ADAMTSL3: variants seen among roughly 807,000 people sequenced by gnomAD.
ADAMTSL3 encodes the protein ADAMTS like 3, also known as ADAMTS-like protein 3.
Under a neutral mutation model 201.7 loss-of-function variants are expected in ADAMTSL3, and 128 were observed. The observed-to-expected ratio is 0.63, with a 90% confidence interval of 0.55 to 0.73. The LOEUF (loss-of-function observed/expected upper bound fraction) is 0.73. Ranked by LOEUF, ADAMTSL3 falls within the 30% of genes least tolerant of loss-of-function variation. The pLI is 0.00. For missense variants in ADAMTSL3, 1,990 were observed against 2,119.6 expected (o/e 0.94, Z 1.20); for synonymous variants, 738 against 748.4 (o/e 0.99, Z 0.23).
At chr15:83,963,678 C>T (rs187200035) in intron 19 of ADAMTSL3, among the ~76,000 whole-genome samples, 12 of 152,370 alleles carry the variant, frequency 7.9e-5, no homozygotes, top group African/African-American at 2.2e-4. Context: ...ACTGTCTCCT[C>T]AAGTGGGTCC....
intron 6 of ADAMTSL3, among the ~76,000 whole-genome samples, chr15:83,833,692 A>G (rs2064204472): frequency 6.6e-6 from 1 of 152,228 alleles, no homozygotes; most frequent in Non-Finnish European, 1.5e-5. Context: ...TAATTCGGTA[A>G]AGAACAGTCA....
chr15:83,782,668 AC>A (rs1247962661), intron 4 of ADAMTSL3, among the ~76,000 whole-genome samples: 1 of 152,148 alleles, frequency 6.6e-6, no homozygotes, highest in African/African-American at 2.4e-5. Flanking sequence ...TGGAAGCTAA[AC>A]TATGAGAACA....
chr15:83,886,274 G>A (rs1032403970), intron 10 of ADAMTSL3, among the ~76,000 whole-genome samples: 13 of 152,200 alleles, frequency 8.5e-5, no homozygotes, highest in Non-Finnish European at 1.6e-4. Context: ...CCATGACTTA[G>A]TAGAATAGGG....
chr15:83,804,573 CTTTTTTT>C (rs59422343), intron 4 of ADAMTSL3, 70 bp from the exon 5 acceptor site: 2 of 655,956 alleles, frequency 3.0e-6, no homozygotes, highest in African/African-American at 2.6e-5. Flanking sequence ...CTTGTATTTG[CTTTTTTT>C]TTTTTTTTTT....
At chr15:83,727,275 T>C (rs999425928) in intron 3 of ADAMTSL3, among the ~76,000 whole-genome samples, 2 of 151,908 alleles carry the variant, frequency 1.3e-5, no homozygotes, top group African/African-American at 4.8e-5. Context: ...ATTTGAGTCT[T>C]TTCTTTTTTC....
intron 7 of ADAMTSL3, among the ~76,000 whole-genome samples, chr15:83,853,733 T>C (rs926785029): frequency 1.1e-4 from 16 of 152,182 alleles, no homozygotes; most frequent in African/African-American, 3.9e-4. Context: ...TGGTATCAAA[T>C]AGATGTTAAT....
At chr15:83,809,903 G>T (rs2063665245) in intron 5 of ADAMTSL3, among the ~76,000 whole-genome samples, 1 of 151,988 alleles carries the variant, frequency 6.6e-6, no homozygotes, top group Non-Finnish European at 1.5e-5. Context: ...TGAGACATCA[G>T]TCCTGGGTAA....
At chr15:84,019,531 AGAAAT>A (rs1238458027) in intron 25 of ADAMTSL3, among the ~76,000 whole-genome samples, 8 of 152,330 alleles carry the variant, frequency 5.3e-5, no homozygotes, top group South Asian at 2.1e-4. Flanking sequence ...CAGCAATAGA[AGAAAT>A]GAAATGAACT....
chr15:83,845,476 G>T (rs1313287829), intron 7 of ADAMTSL3, among the ~76,000 whole-genome samples: 1 of 152,142 alleles, frequency 6.6e-6, no homozygotes, highest in Non-Finnish European at 1.5e-5. Context: ...CAAAGACTGG[G>T]GTAATAACCT....
chr15:83,847,891 C>T (rs1225853028), intron 7 of ADAMTSL3, among the ~76,000 whole-genome samples: 1 of 150,714 alleles, frequency 6.6e-6, no homozygotes, highest in Non-Finnish European at 1.5e-5. Context: ...AAAATGTTGT[C>T]ACAACATTAT....
At chr15:83,746,121 C>G (rs2062542559) in intron 3 of ADAMTSL3, among the ~76,000 whole-genome samples, 1 of 145,802 alleles carries the variant, frequency 6.9e-6, no homozygotes, top group South Asian at 2.4e-4. Flanking sequence ...CAAAATGGCA[C>G]TGCAGCTTCA....
chr15:83,695,620 A>C (rs1489810936), intron 2 of ADAMTSL3, among the ~76,000 whole-genome samples: 1 of 152,198 alleles, frequency 6.6e-6, no homozygotes, highest in Non-Finnish European at 1.5e-5. Flanking sequence ...AGGTCTTTTA[A>C]ATGAACAATA....
At chr15:83,826,745 G>A (rs1189184615) in intron 6 of ADAMTSL3, among the ~76,000 whole-genome samples, 2 of 147,900 alleles carry the variant, frequency 1.4e-5, no homozygotes, top group Non-Finnish European at 3.0e-5. Context: ...CCACCTATGA[G>A]TGAGAACATG....
rs1431326715 is a variant in ADAMTSL3, at chr15:83,870,388, G to A, written c.803-414G>A. On this transcript the variant is annotated intron_variant, in intron 8 of 29. Coordinates refer to ENST00000286744, the MANE Select transcript of ADAMTSL3 (RefSeq NM_207517.3). ...ATCTGAAATTATTTCAAAATCAAAA[G>A]TTTTGTTTGATAAAAAGCAAATTTG... 3.3e-5 allele frequency among the ~76,000 whole-genome samples: 5 copies of A among 152,132 alleles called. No individual in the cohort carries two copies. In the South Asian group the frequency reaches 1.0e-3, roughly 31 times the overall value.
At chr15:83,914,839 G>A (rs1324209769) in intron 16 of ADAMTSL3, among the ~76,000 whole-genome samples, 1 of 112,290 alleles carries the variant, frequency 8.9e-6, no homozygotes, top group Non-Finnish European at 1.8e-5. Context: ...GTTGTTTTTT[G>A]TTTGTTTGGT....
intron 8 of ADAMTSL3, among the ~76,000 whole-genome samples, chr15:83,870,356 C>G (rs1288547651): frequency 6.6e-6 from 1 of 152,106 alleles, no homozygotes; most frequent in Non-Finnish European, 1.5e-5. Context: ...TTTGCAACTT[C>G]CTGTTAATCT....
rs1277122509 is a variant in ADAMTSL3, at chr15:83,822,737, C to T, written c.600+2690C>T. On this transcript the variant is annotated intron_variant, in intron 6 of 29. Coordinates refer to ENST00000286744, the MANE Select transcript of ADAMTSL3 (RefSeq NM_207517.3). ...TGGGCAGCCAGGCAGAGGGGCTCCT[C>T]ACGTCCCAGACGATGGGCGGCCAGG... Among the ~76,000 whole-genome samples, 664 of 151,360 alleles carry T rather than the reference C, an allele frequency of 4.4e-3. 2 individuals carry two copies. Among genetic ancestry groups the T allele is most frequent in the African/African-American group, 0.015 (621 of 41,212 alleles).
intron 7 of ADAMTSL3, 134 bp downstream of exon 7, chr15:83,838,349 A>C (rs2064316339): frequency 8.3e-7 from 1 of 1,200,066 alleles, no homozygotes; most frequent in Non-Finnish European, 1.1e-6. Context: ...CTAAAAGTGA[A>C]ATTTCTTCCA....
intron 2 of ADAMTSL3, among the ~76,000 whole-genome samples, chr15:83,695,598 T>C (rs1015218997): frequency 2.9e-4 from 44 of 152,176 alleles, no homozygotes; most frequent in African/African-American, 1.1e-3. Context: ...ATCCAGACTT[T>C]ATTCAAATGT....
Sources: allele counts gnomAD v4.1 joint callset (sites outside exome capture counted in the v4.1 genomes callset), GRCh38; gene constraint gnomAD v4.1.1; transcripts MANE v1.5; gene names NCBI Gene and HGNC (gene_info 2026-07-23, HGNC 2026-07-21).